Variants in GLIS3 observed in about 807,000 individuals in gnomAD.
GLIS3 encodes GLIS family zinc finger 3.
Under a neutral mutation model 78.6 loss-of-function variants are expected in GLIS3, and 53 were observed. The ratio of observed to expected loss-of-function variants is 0.67; its 90% CI spans 0.54 to 0.85. The LOEUF is 0.85. Among genes scored for constraint, GLIS3 ranks in the 40% least tolerant of loss-of-function variants. The pLI is 0.00. For synonymous variants in GLIS3, 684 were observed against 509.9 expected (o/e 1.34, Z -4.60); for missense variants, 1,703 against 1,231.1 (o/e 1.38, Z -5.74).
the GLIS3 span, among the ~76,000 whole-genome samples, chr9:4,369,194 G>C: frequency 6.6e-6 from 1 of 152,018 alleles, no homozygotes; most frequent in African/African-American, 2.4e-5. Flanking sequence ...TTTTAATAAT[G>C]TCTGATGGAT....
chr9:4,333,555 C>G (rs1817714299), intron 2 of GLIS3, among the ~76,000 whole-genome samples: 1 of 152,122 alleles, frequency 6.6e-6, no homozygotes, highest in Non-Finnish European at 1.5e-5. Context: ...TTGCTCTGGG[C>G]TAGTTTCCCA....
At chr9:4,055,348 C>G (rs1826059555) in intron 4 of GLIS3, among the ~76,000 whole-genome samples, 1 of 152,202 alleles carries the variant, frequency 6.6e-6, no homozygotes, top group South Asian at 2.1e-4. Context: ...GTGCCTCCGT[C>G]CATCCCTGTT....
rs558582170 is a variant in GLIS3, at chr9:4,147,424, G to T, written c.389-21483C>A. 6 of 152,186 alleles carry T rather than the reference G, an allele frequency of 3.9e-5. 1 individual carries two copies. The South Asian group carries it at 1.2e-3, about 32-fold the overall frequency. The allele number at this position is 152,186 out of a possible 1,614,324, so 9.4% of individuals were successfully genotyped here. On this transcript the variant is annotated intron_variant, in intron 2 of 10. Coordinates refer to ENST00000381971, the MANE Select transcript of GLIS3 (RefSeq NM_001042413.2). ...AGAAGTAAGAAGTCCTTGCACTGCG[G>T]GGCTTCCATATGCAGTGTCTGCTTG... is the stretch of plus-strand genomic sequence containing the variant.
intron 1 of GLIS3, among the ~76,000 whole-genome samples, chr9:4,348,030 TA>T (rs1242173147): frequency 6.6e-6 from 1 of 152,184 alleles, no homozygotes. Flanking sequence ...AAAATGTTCA[TA>T]AAACTTTTAA....
In GLIS3 at chr9:4,198,772, A is replaced by G. The variant is rs143336364; in HGVS notation, c.389-72831T>C. Among the ~76,000 whole-genome samples the G allele has an allele frequency of 1.4e-3, 212 of 152,352 alleles. 2 individuals are homozygous for G. Among genetic ancestry groups the G allele is most frequent in the African/African-American group, 4.6e-3 (190 of 41,580 alleles). On this transcript the variant is annotated intron_variant, in intron 2 of 10. Coordinates refer to ENST00000381971, the MANE Select transcript of GLIS3 (RefSeq NM_001042413.2). Reference sequence around the variant, plus strand: ...AAGACATATAGTCACCAGACTGTCCAAGGTCAATGCTACAGAAAAAATCTT... The same window carrying G: ...AAGACATATAGTCACCAGACTGTCCGAGGTCAATGCTACAGAAAAAATCTT...
At chr9:4,336,797 G>T (rs1176168078) in intron 2 of GLIS3, among the ~76,000 whole-genome samples, 1 of 152,120 alleles carries the variant, frequency 6.6e-6, no homozygotes, top group East Asian at 1.9e-4. Context: ...TATGATAGTA[G>T]AGAGATGTTC....
At chr9:4,050,436 A>G (rs58304786) in intron 4 of GLIS3, among the ~76,000 whole-genome samples, 1,733 of 151,886 alleles carry the variant, frequency 0.011, 23 homozygotes, top group African/African-American at 0.035. Context: ...ATCACACACC[A>G]GGGCCTGTTG....
At chr9:3,983,448 C>T (rs1013876733) in intron 4 of GLIS3, among the ~76,000 whole-genome samples, 2 of 152,082 alleles carry the variant, frequency 1.3e-5, no homozygotes, top group African/African-American at 4.8e-5. Context: ...AATGTGGAAG[C>T]GGCTCTGAGA....
chr9:4,173,807 TAAAATTTAACACTGG>T (rs1184307088), intron 2 of GLIS3, among the ~76,000 whole-genome samples: 4 of 152,074 alleles, frequency 2.6e-5, no homozygotes, highest in African/African-American at 9.7e-5. Flanking sequence ...GTTCTGTATC[TAAAATTTAACACTGG>T]AAAATACTGG....
At chr9:4,343,131 G>A (rs912490217) in intron 2 of GLIS3, among the ~76,000 whole-genome samples, 1 of 152,084 alleles carries the variant, frequency 6.6e-6, no homozygotes, top group Non-Finnish European at 1.5e-5. Flanking sequence ...TTGAGCCCAT[G>A]AATTTGAGAC....
the GLIS3 span, among the ~76,000 whole-genome samples, chr9:4,434,698 C>T: frequency 6.6e-5 from 10 of 152,172 alleles, no homozygotes; most frequent in African/African-American, 2.4e-4. Flanking sequence ...AGTTCTTCTT[C>T]CTTACAGATC....
At chr9:4,321,421 C>CCAA (rs1817525732) in intron 2 of GLIS3, among the ~76,000 whole-genome samples, 1 of 16,304 alleles carries the variant, frequency 6.1e-5, no homozygotes, top group Non-Finnish European at 1.1e-4. Flanking sequence ...GACTCCGTCT[C>CCAA]AAAAAAAAAA....
chr9:3,896,064 C>G (rs1364325122), intron 7 of GLIS3, among the ~76,000 whole-genome samples: 1 of 152,182 alleles, frequency 6.6e-6, no homozygotes, highest in East Asian at 1.9e-4. Flanking sequence ...ATCAAATTGT[C>G]TTAACACTTC....
At chr9:3,854,795 C>T (rs189295763) in intron 9 of GLIS3, among the ~76,000 whole-genome samples, 7 of 151,992 alleles carry the variant, frequency 4.6e-5, no homozygotes, top group Non-Finnish European at 1.0e-4. Flanking sequence ...CCACCCGCCT[C>T]GGCCTCCCAA....
At chr9:4,036,504 T>C (rs929742273) in intron 4 of GLIS3, among the ~76,000 whole-genome samples, 5 of 152,244 alleles carry the variant, frequency 3.3e-5, no homozygotes, top group African/African-American at 7.2e-5. Context: ...TCAGCCCAAA[T>C]TGGTAACGGT....
At chr9:4,102,793 C>T (rs950277128) in intron 4 of GLIS3, among the ~76,000 whole-genome samples, 3 of 151,836 alleles carry the variant, frequency 2.0e-5, no homozygotes, top group East Asian at 1.9e-4. Context: ...TGCTTTTTTT[C>T]GTAGTCAGTG....
intron 3 of GLIS3, among the ~76,000 whole-genome samples, chr9:4,119,444 TA>T (rs1469896048): frequency 3.3e-5 from 5 of 152,214 alleles, no homozygotes; most frequent in African/African-American, 1.2e-4. Flanking sequence ...TCACTGATAT[TA>T]AGGAATTACT....
In GLIS3 at chr9:3,988,515, T is replaced by C. The variant is rs546059823; in HGVS notation, c.1711-51326A>G. On this transcript the variant is annotated intron_variant, in intron 4 of 10. Coordinates refer to ENST00000381971, the MANE Select transcript of GLIS3 (RefSeq NM_001042413.2). ...ATGAAAAGGCACAGCCCTATATTAA[T>C]GTATAGCTACAGTAATCAAGACAAT... Among the ~76,000 whole-genome samples, 8 of 152,326 alleles carry C rather than the reference T, an allele frequency of 5.3e-5. No homozygotes were observed. The South Asian group carries it at 1.7e-3, about 32-fold the overall frequency.
chr9:4,163,975 G>A (rs1835697228), intron 2 of GLIS3, among the ~76,000 whole-genome samples: 2 of 152,224 alleles, frequency 1.3e-5, no homozygotes, highest in Non-Finnish European at 2.9e-5. Flanking sequence ...CCATGGTACA[G>A]TGATTTCCTG....
Sources: gnomAD v4.1 joint callset for allele counts (sites outside exome capture counted in the v4.1 genomes callset) on GRCh38, gnomAD v4.1.1 for gene constraint, MANE v1.5 for transcripts, NCBI Gene and HGNC (gene_info 2026-07-23, HGNC 2026-07-21) for gene names.